Variants in GNAO1 observed in about 807,000 individuals in gnomAD.
GNAO1 encodes the protein guanine nucleotide-binding protein G(o) subunit alpha.
For missense variants in GNAO1, 166 were observed against 478.7 expected, an observed-to-expected ratio of 0.35 and a Z score of 6.10; for synonymous variants, 164 against 180.7, an observed-to-expected ratio of 0.91 and a Z score of 0.74.
chr16:56,326,010 C>T lies in GNAO1; in HGVS notation c.304-2621C>T, dbSNP rs575998886. ...ACATGCTCACCAGCCACCTCCTCCA[C>T]TCATCGACCCTCTTCCTTGCCTTGG... is the stretch of plus-strand genomic sequence containing the variant. On this transcript the variant is annotated intron_variant, in intron 3 of 8. Coordinates refer to ENST00000262493, the MANE Select transcript of GNAO1 (RefSeq NM_020988.3). This position sits in a 1 kb window ranked among gnomAD's most constrained non-coding sequence, Gnocchi z 4.8. 6.6e-6 allele frequency among the ~76,000 whole-genome samples: 1 copy of T among 152,360 alleles called. No homozygotes were observed. The highest frequency in any genetic ancestry group is 2.4e-5 in the African/African-American group (1 of 41,590).
At chr16:56,209,316 A>G (rs2036362617) in intron 2 of GNAO1, among the ~76,000 whole-genome samples, 1 of 152,164 alleles carries the variant, frequency 6.6e-6, no homozygotes. Context: ...ATAGCATCCC[A>G]TTGGACTCTA....
chr16:56,324,227 T>C (rs2037606520), intron 3 of GNAO1, among the ~76,000 whole-genome samples: 1 of 152,236 alleles, frequency 6.6e-6, no homozygotes, highest in Non-Finnish European at 1.5e-5. Flanking sequence ...CACAGTAGCT[T>C]TGTGGCCTCG....
chr16:56,206,351 A>C (rs2036328813), intron 2 of GNAO1, among the ~76,000 whole-genome samples: 1 of 149,628 alleles, frequency 6.7e-6, no homozygotes, highest in East Asian at 2.0e-4. Flanking sequence ...AAAAAGAGGC[A>C]GTTAGGAGCC....
At chr16:56,310,153 AAAAG>A (rs1450834195) in intron 3 of GNAO1, among the ~76,000 whole-genome samples, 22 of 152,044 alleles carry the variant, frequency 1.4e-4, no homozygotes, top group South Asian at 2.1e-4. Flanking sequence ...AAAAACAAAA[AAAAG>A]AAAGAAAAAA....
At chr16:56,229,045 T>G (rs2143391889) in intron 2 of GNAO1, among the ~76,000 whole-genome samples, 1 of 152,362 alleles carries the variant, frequency 6.6e-6, no homozygotes, top group South Asian at 2.1e-4. Context: ...ATGAATTAAC[T>G]TTTGTTTTAT....
intron 3 of GNAO1, among the ~76,000 whole-genome samples, chr16:56,313,371 A>G (rs1205904237): frequency 9.2e-5 from 14 of 152,142 alleles, no homozygotes; most frequent in African/African-American, 3.1e-4. Flanking sequence ...TTTAAAATAT[A>G]TATTTATTTG....
At chr16:56,218,353 C>T (rs1204926347) in intron 2 of GNAO1, among the ~76,000 whole-genome samples, 6 of 152,214 alleles carry the variant, frequency 3.9e-5, no homozygotes, top group Non-Finnish European at 7.3e-5. Context: ...CCATCACCCA[C>T]CAGTCTTTTG....
At chr16:56,299,390 C>T (rs1361229531) in intron 3 of GNAO1, among the ~76,000 whole-genome samples, 1 of 152,240 alleles carries the variant, frequency 6.6e-6, no homozygotes, top group Admixed American at 6.5e-5. Flanking sequence ...CTGCGTCTAA[C>T]TCTCTCAAAT....
chr16:56,330,574 C>T (rs774783451), intron 4 of GNAO1, among the ~76,000 whole-genome samples: 1 of 152,212 alleles, frequency 6.6e-6, no homozygotes, highest in African/African-American at 2.4e-5. Flanking sequence ...TACCCACTTC[C>T]ATTTATTTGT....
rs546910493 is a variant in GNAO1 at position 56,262,373 on chromosome 16, G to A, written c.162-13558G>A. ...TTTGGACTTGCCTGGTGTCAGAAAG[G>A]ACAATGTCTTAGGTAACCTGGGTTT... On this transcript the variant is annotated intron_variant, in intron 2 of 8. Coordinates refer to ENST00000262493, the MANE Select transcript of GNAO1 (RefSeq NM_020988.3). Among the ~76,000 whole-genome samples, 17 of 152,326 alleles carry A rather than the reference G, an allele frequency of 1.1e-4. No individual in the cohort carries two copies. In the South Asian group the frequency reaches 3.3e-3, roughly 30 times the overall value.
At chr16:56,308,083 A>C (rs1343666932) in intron 3 of GNAO1, 1 of 152,192 alleles carries the variant, frequency 6.6e-6, no homozygotes, top group Non-Finnish European at 1.5e-5. Flanking sequence ...TGACCTTGGG[A>C]ATCAGCCAGC....
At chr16:56,257,174 T>G (rs1050790230) in intron 2 of GNAO1, among the ~76,000 whole-genome samples, 1 of 151,890 alleles carries the variant, frequency 6.6e-6, no homozygotes, top group African/African-American at 2.4e-5. Flanking sequence ...GGGACTGGGT[T>G]TGGGGGGGGG....
intron 3 of GNAO1, among the ~76,000 whole-genome samples, chr16:56,287,773 G>T (rs566104268): frequency 6.6e-6 from 1 of 151,896 alleles, no homozygotes; most frequent in South Asian, 2.1e-4. Flanking sequence ...CCTCTTGCTG[G>T]CTTTGCAGGA....
intron 2 of GNAO1, among the ~76,000 whole-genome samples, chr16:56,208,695 A>C (rs1353284576): frequency 1.2e-4 from 18 of 152,104 alleles, no homozygotes; most frequent in Non-Finnish European, 1.5e-5. Flanking sequence ...AGTAGATCTC[A>C]TTGTGGTTTT....
At position 56,325,384 on chromosome 16, in the gene GNAO1, G is replaced by T. The variant is rs2037621215; in HGVS notation, c.304-3247G>T. On this transcript the variant is annotated intron_variant, in intron 3 of 8. Coordinates refer to ENST00000262493, the MANE Select transcript of GNAO1 (RefSeq NM_020988.3). ...CCAGCTACTCAGGAGGTTAAGCCAG[G>T]AGAATCTCTTGAACCCAGGAGGCGG... is the stretch of plus-strand genomic sequence containing the variant. 2.0e-5 allele frequency among the ~76,000 whole-genome samples: 3 copies of T among 152,334 alleles called. No homozygotes were observed. The South Asian group carries it at 6.2e-4, about 32-fold the overall frequency.
chr16:56,252,864 C>T (rs1269747241), intron 2 of GNAO1, among the ~76,000 whole-genome samples: 16 of 152,178 alleles, frequency 1.1e-4, no homozygotes, highest in Admixed American at 1.0e-3. Context: ...GTGCATTGGC[C>T]TGTCCCCCCC....
At chr16:56,303,960 AC>A (rs1162802049) in intron 3 of GNAO1, among the ~76,000 whole-genome samples, 1 of 152,142 alleles carries the variant, frequency 6.6e-6, no homozygotes, top group African/African-American at 2.4e-5. Flanking sequence ...CCTATCTTGC[AC>A]CCCGAGCTTT....
intron 2 of GNAO1, among the ~76,000 whole-genome samples, chr16:56,237,817 T>C (rs1045441099): frequency 4.6e-5 from 7 of 151,154 alleles, no homozygotes; most frequent in Admixed American, 1.3e-4. Flanking sequence ...TAAATGAAAA[T>C]GTGAATTCTT....
intron 2 of GNAO1, among the ~76,000 whole-genome samples, chr16:56,245,082 C>T (rs16956199): frequency 0.13 from 19,632 of 152,018 alleles, 1,605 homozygotes; most frequent in African/African-American, 0.22. Context: ...ACACTAGAGT[C>T]TTAGGATAGC....
Sources: allele counts gnomAD v4.1 joint callset (sites outside exome capture counted in the v4.1 genomes callset), GRCh38; gene constraint gnomAD v4.1.1; non-coding constraint Gnocchi (gnomAD v3.1); transcripts MANE v1.5; gene names NCBI Gene and HGNC (gene_info 2026-07-23, HGNC 2026-07-21).